POC1A: variants seen among roughly 807,000 people sequenced by gnomAD.
POC1A encodes the protein POC1 centriolar protein homolog A.
In POC1A, 34 loss-of-function variants were observed where a neutral mutation model predicts 47.8. The observed-to-expected ratio is 0.71, with a 90% CI of 0.54 to 0.95. The LOEUF is 0.95. POC1A is among the 40% of genes least tolerant of loss of function. The pLI, the probability that POC1A is intolerant of heterozygous loss-of-function variation, is 0.00. For missense variants in POC1A, 466 were observed against 528.3 expected (o/e 0.88, Z 1.16); for synonymous variants, 177 against 207.6 (o/e 0.85, Z 1.27).
At chr3:52,088,518 C>T (rs974214974) in intron 10 of POC1A, among the ~76,000 whole-genome samples, 5 of 152,118 alleles carry the variant, frequency 3.3e-5, no homozygotes, top group Non-Finnish European at 7.3e-5. Flanking sequence ...AGCAGCAGGC[C>T]CAACTACAGC....
chr3:52,147,173 C>G, intron 4 of POC1A, 78 bp from the exon 5 acceptor site: 1 of 1,131,126 alleles, frequency 8.8e-7, no homozygotes, highest in Middle Eastern at 2.0e-4. Flanking sequence ...CACAGCCACT[C>G]TTCCCCGAGT....
At chr3:52,097,453 T>C (rs1702857765) in intron 9 of POC1A, among the ~76,000 whole-genome samples, 1 of 152,214 alleles carries the variant, frequency 6.6e-6, no homozygotes, top group Non-Finnish European at 1.5e-5. Flanking sequence ...TTCAGCAAAG[T>C]CAGCTCCTTG....
At chr3:52,081,942 G>C (rs927419630) in intron 10 of POC1A, among the ~76,000 whole-genome samples, 3 of 152,096 alleles carry the variant, frequency 2.0e-5, no homozygotes, top group Non-Finnish European at 4.4e-5. Context: ...GTTAGATGGG[G>C]GTCTGAGAGA....
At chr3:52,124,024 C>A (rs923352555) in intron 8 of POC1A, among the ~76,000 whole-genome samples, 2 of 152,176 alleles carry the variant, frequency 1.3e-5, no homozygotes, top group African/African-American at 4.8e-5. Context: ...GGTCAAAGAG[C>A]CTCCAACTAC....
At chr3:52,153,166 T>C (rs1460257315) in intron 1 of POC1A, among the ~76,000 whole-genome samples, 1 of 152,230 alleles carries the variant, frequency 6.6e-6, no homozygotes, top group Admixed American at 6.5e-5. Context: ...AATTCTGTGG[T>C]GTATGAATAA....
intron 1 of POC1A, 84 bp from the exon 2 acceptor site, chr3:52,151,184 G>A: frequency 6.3e-7 from 1 of 1,586,076 alleles, no homozygotes; most frequent in Non-Finnish European, 8.6e-7. Context: ...ACAACAGCCG[G>A]GGGAGTAGGG....
intron 10 of POC1A, among the ~76,000 whole-genome samples, chr3:52,083,251 C>T (rs1702357815): frequency 6.6e-6 from 1 of 152,134 alleles, no homozygotes; most frequent in African/African-American, 2.4e-5. Flanking sequence ...AGGAAGAGTT[C>T]CTCTCTGGAC....
chr3:52,105,164 T>C lies in POC1A; in HGVS notation c.982-8452A>G, dbSNP rs558717710. Among the ~76,000 whole-genome samples the C allele has an allele frequency of 3.9e-5, 6 of 152,316 alleles. No homozygotes were observed. In the East Asian group the frequency reaches 1.2e-3, roughly 29 times the overall value. On this transcript the variant is annotated intron_variant, in intron 9 of 10. Coordinates refer to ENST00000296484, the MANE Select transcript of POC1A (RefSeq NM_015426.5). ...AAGAGCTGGACTATCTCACTCACCC[T>C]TCCTGTACAGACCCAGGTGAACAGC...
intron 6 of POC1A, among the ~76,000 whole-genome samples, chr3:52,142,739 C>A (rs1020802175): frequency 3.9e-5 from 6 of 152,150 alleles, no homozygotes; most frequent in Non-Finnish European, 7.4e-5. Context: ...GGACAGAAAG[C>A]GGATCAGGCA....
At chr3:52,118,027 G>A (rs1399756504) in intron 9 of POC1A, among the ~76,000 whole-genome samples, 1 of 152,158 alleles carries the variant, frequency 6.6e-6, no homozygotes, top group Non-Finnish European at 1.5e-5. Flanking sequence ...CAGGGCTGTG[G>A]CAGGAACAGA....
chr3:52,077,472 C>T (rs1292126139), intron 10 of POC1A, among the ~76,000 whole-genome samples: 1 of 152,228 alleles, frequency 6.6e-6, no homozygotes, highest in Non-Finnish European at 1.5e-5. Flanking sequence ...CCAATCAGGG[C>T]TGTGAGGGCT....
At chr3:52,078,742 G>A (rs1481438082) in intron 10 of POC1A, among the ~76,000 whole-genome samples, 19 of 152,068 alleles carry the variant, frequency 1.2e-4, no homozygotes, top group African/African-American at 2.4e-5. Flanking sequence ...CTCGTGATCC[G>A]CCCGGCTCAG....
chr3:52,151,090 G>T lies in POC1A; in HGVS notation c.29C>A (p.Ser10Ter). The stretch of plus-strand genomic sequence containing the variant: ...GTGGCCCTTAAAATGCCTTTCCAGC[G>T]AGGGGTCCTCCTGAGAGAGAGCCAG... MAAPCAEDP[S>*]LERHFKGHRD... Residue 10 changes from serine to a stop codon, truncating the protein, a stop_gained, in exon 2 of 11, where the codon TCG becomes TAG. Coordinates refer to ENST00000296484, the MANE Select transcript of POC1A (RefSeq NM_015426.5). LOFTEE classifies it high-confidence loss of function. 6.2e-7 allele frequency: 1 copy of T among 1,613,640 alleles called. No homozygotes were observed. Among genetic ancestry groups the T allele is most frequent in the Non-Finnish European group, 8.5e-7 (1 of 1,179,750 alleles).
intron 9 of POC1A, among the ~76,000 whole-genome samples, chr3:52,117,776 A>G (rs1483128802): frequency 6.6e-6 from 1 of 151,904 alleles, no homozygotes; most frequent in African/African-American, 2.4e-5. Context: ...TTTCTTCCCC[A>G]TTGCATAATG....
At chr3:52,110,569 C>T (rs1703346078) in intron 9 of POC1A, among the ~76,000 whole-genome samples, 3 of 152,254 alleles carry the variant, frequency 2.0e-5, no homozygotes, top group Admixed American at 2.0e-4. Context: ...TTCTTGTGCA[C>T]CCTCTCTGCT....
chr3:52,121,604 G>A (rs1270290906), intron 9 of POC1A, among the ~76,000 whole-genome samples: 3 of 152,252 alleles, frequency 2.0e-5, no homozygotes, highest in Admixed American at 2.0e-4. Context: ...GCCTTGACTC[G>A]CTGGAGGCCT....
At chr3:52,151,187 G>A (rs559818876) in intron 1 of POC1A, 87 bp from the exon 2 acceptor site, 2 of 1,583,700 alleles carry the variant, frequency 1.3e-6, no homozygotes, top group South Asian at 1.1e-5. Flanking sequence ...ACAGCCGGGG[G>A]AGTAGGGTTA....
intron 10 of POC1A, among the ~76,000 whole-genome samples, chr3:52,081,414 C>T (rs113876808): frequency 2.0e-5 from 3 of 152,206 alleles, no homozygotes; most frequent in Admixed American, 6.5e-5. Context: ...GATGATAATA[C>T]GCAGACTCGG....
intron 9 of POC1A, among the ~76,000 whole-genome samples, chr3:52,099,951 T>C (rs988195078): frequency 2.0e-5 from 3 of 152,192 alleles, no homozygotes; most frequent in African/African-American, 7.2e-5. Context: ...TTTTGCCAAA[T>C]ATAAACATCT....
Sources: allele counts gnomAD v4.1 joint callset (sites outside exome capture counted in the v4.1 genomes callset), GRCh38; gene constraint gnomAD v4.1.1; transcripts MANE v1.5; gene names NCBI Gene and HGNC (gene_info 2026-07-23, HGNC 2026-07-21).